The following TMEM87B variants were observed in gnomAD, a reference collection of about 807,000 sequenced individuals.
TMEM87B encodes the protein transmembrane protein 87B.
TMEM87B carries 83 observed loss-of-function variants against 80.3 expected under a neutral mutation model. The observed-to-expected ratio is 1.03, with a 90% CI of 0.87 to 1.24. The LOEUF (loss-of-function observed/expected upper bound fraction) is 1.24, where lower values mean the gene tolerates loss of function less well. TMEM87B is among the 50% of genes most tolerant of loss of function. TMEM87B has a pLI of 0.00. For missense variants in TMEM87B, 625 were observed against 674.4 expected, an observed-to-expected ratio of 0.93 and a Z score of 0.81; for synonymous variants, 219 against 230.5, an observed-to-expected ratio of 0.95 and a Z score of 0.45.
chr2:112,058,692 T>A (rs79992966), intron 1 of TMEM87B, among the ~76,000 whole-genome samples: 7,169 of 152,306 alleles, frequency 0.047, 301 homozygotes, highest in African/African-American at 0.11. Context: ...CTATGGCTGC[T>A]GTCTAAAGAT....
At chr2:112,109,023 T>G (rs1170900474) in intron 17 of TMEM87B, among the ~76,000 whole-genome samples, 1 of 152,236 alleles carries the variant, frequency 6.6e-6, no homozygotes, top group Admixed American at 6.5e-5. Flanking sequence ...TGAAGTGATA[T>G]GTCATCGCAT....
chr2:112,064,286 A>AG, intron 3 of TMEM87B, 33 bp downstream of exon 3: 1 of 1,569,330 alleles, frequency 6.4e-7, no homozygotes, highest in Non-Finnish European at 8.8e-7. Context: ...ATGTATATAA[A>AG]GCTATGAAGG....
chr2:112,096,786 C>T (rs1036921993), intron 11 of TMEM87B, among the ~76,000 whole-genome samples: 2 of 152,202 alleles, frequency 1.3e-5, no homozygotes, highest in Non-Finnish European at 2.9e-5. Flanking sequence ...ATTGGTGGAA[C>T]GCATCATGGG....
At chr2:112,087,862 A>G (rs1007908087) in intron 9 of TMEM87B, among the ~76,000 whole-genome samples, 2 of 152,200 alleles carry the variant, frequency 1.3e-5, no homozygotes, top group Middle Eastern at 3.4e-3. Context: ...CACCTGCCAT[A>G]TCACATGGCC....
At chr2:112,091,683 A>G in intron 10 of TMEM87B, 29 bp from the exon 11 acceptor site, 10 of 1,498,842 alleles carry the variant, frequency 6.7e-6, no homozygotes, top group East Asian at 2.3e-5. Flanking sequence ...TGTTACATTC[A>G]GGTTTCTTCC....
chr2:112,059,617 AC>A (rs2104452243), intron 1 of TMEM87B, among the ~76,000 whole-genome samples: 1 of 152,162 alleles, frequency 6.6e-6, no homozygotes, highest in East Asian at 1.9e-4. Context: ...GGAGAGGGGG[AC>A]AGTTCCTTAT....
intron 16 of TMEM87B, among the ~76,000 whole-genome samples, 174 bp downstream of exon 16, chr2:112,106,249 C>T (rs1679762341): frequency 6.6e-6 from 1 of 152,090 alleles, no homozygotes; most frequent in South Asian, 2.1e-4. Flanking sequence ...CCTGGTTGTC[C>T]ATAACTGAAA....
chr2:112,099,841 C>T (rs1679580577), intron 14 of TMEM87B, among the ~76,000 whole-genome samples: 1 of 145,510 alleles, frequency 6.9e-6, no homozygotes, highest in African/African-American at 2.6e-5. Context: ...CATGCCGCTG[C>T]TACTGCACTC....
intron 14 of TMEM87B, among the ~76,000 whole-genome samples, chr2:112,099,314 G>A (rs1337008505): frequency 1.3e-5 from 2 of 151,890 alleles, no homozygotes; most frequent in African/African-American, 2.4e-5. Flanking sequence ...TTTTGAGCAC[G>A]GACAGGATAC....
chr2:112,056,610 G>A (rs534746392), intron 1 of TMEM87B, among the ~76,000 whole-genome samples: 1 of 152,284 alleles, frequency 6.6e-6, no homozygotes, highest in East Asian at 1.9e-4. Flanking sequence ...TTTGGGATGG[G>A]TATTTTCCAC....
At chr2:112,113,145 A>G (rs1359355414) in intron 18 of TMEM87B, among the ~76,000 whole-genome samples, 1 of 152,206 alleles carries the variant, frequency 6.6e-6, no homozygotes, top group Non-Finnish European at 1.5e-5. Flanking sequence ...GTATGAAGGA[A>G]ATGAAGGGTT....
At chr2:112,097,727 A>C (rs886839756) in intron 13 of TMEM87B, among the ~76,000 whole-genome samples, 3 of 151,732 alleles carry the variant, frequency 2.0e-5, no homozygotes, top group South Asian at 2.1e-4. Context: ...AAAAAAAAAA[A>C]AAAAAAAAAA....
At chr2:112,086,293 C>T (rs1679143998) in intron 9 of TMEM87B, among the ~76,000 whole-genome samples, 189 bp downstream of exon 9, 6 of 152,170 alleles carry the variant, frequency 3.9e-5, no homozygotes, top group Admixed American at 3.9e-4. Context: ...AATAAAGACC[C>T]TGAATTTTTA....
chr2:112,097,818 T>TA (rs1419589999), intron 13 of TMEM87B, among the ~76,000 whole-genome samples: 122 of 151,988 alleles, frequency 8.0e-4, no homozygotes, highest in African/African-American at 2.8e-3. Context: ...AAGTTTTTTT[T>TA]ATATATTTTG....
chr2:112,111,555 G>A (rs1466832937), intron 17 of TMEM87B, among the ~76,000 whole-genome samples: 2 of 152,118 alleles, frequency 1.3e-5, no homozygotes, highest in African/African-American at 4.8e-5. Flanking sequence ...TTAGGTTCTT[G>A]GGAACCTTTG....
chr2:112,104,978 G>C (rs935264399), intron 15 of TMEM87B, among the ~76,000 whole-genome samples: 1 of 152,166 alleles, frequency 6.6e-6, no homozygotes, highest in African/African-American at 2.4e-5. Flanking sequence ...AATCAGAGCA[G>C]TGGTTGCTTT....
At chr2:112,102,118 T>C (rs72829663) in intron 15 of TMEM87B, among the ~76,000 whole-genome samples, 3,612 of 152,246 alleles carry the variant, frequency 0.024, 60 homozygotes, top group African/African-American at 0.053. Flanking sequence ...TTACACAAAA[T>C]CTTTAGAAGG....
At chr2:112,065,957 A>T (rs980094598) in intron 3 of TMEM87B, among the ~76,000 whole-genome samples, 1 of 152,206 alleles carries the variant, frequency 6.6e-6, no homozygotes, top group Non-Finnish European at 1.5e-5. Context: ...AATACCACAG[A>T]ATACTGATTT....
Position 112,055,872 on chromosome 2 carries a change from C to G in TMEM87B, c.165+116C>G, listed in dbSNP as rs536582197. 4.7e-6 allele frequency: 6 copies of G among 1,276,708 alleles called. No homozygotes were observed. The Admixed American group carries it at 1.2e-4, about 24-fold the overall frequency. The allele number at this position is 1,276,708 out of a possible 1,614,324, so 79.1% of individuals were successfully genotyped here. On this transcript the variant is annotated intron_variant, in intron 1 of 18. Transcript: ENST00000283206. ...CCTCTGCCGGGTCAGCACCGGGTCC[C>G]CTGATACCCTCCCTGAGCCTTTTGT... is the stretch of plus-strand genomic sequence containing the variant.
Sources: gnomAD v4.1 joint callset for allele counts (sites outside exome capture counted in the v4.1 genomes callset) on GRCh38, gnomAD v4.1.1 for gene constraint, MANE v1.5 for transcripts, NCBI Gene and HGNC (gene_info 2026-07-23, HGNC 2026-07-21) for gene names.